TCTN3: variants seen among roughly 807,000 people sequenced by gnomAD.
The protein encoded by TCTN3 is tectonic-3.
Under a neutral mutation model 71.3 loss-of-function variants are expected in TCTN3, and 57 were observed. The ratio of observed to expected loss-of-function variants is 0.80; its 90% CI spans 0.65 to 1.00. The LOEUF (loss-of-function observed/expected upper bound fraction) is 1.00, where lower values mean the gene tolerates loss of function less well. TCTN3 is among the 50% of genes least tolerant of loss of function. TCTN3 has a pLI of 0.00. For missense variants in TCTN3, 696 were observed against 719.9 expected (o/e 0.97, Z 0.38); for synonymous variants, 258 against 267.8 (o/e 0.96, Z 0.36).
chr10:95,680,637 T>C lies in TCTN3; in HGVS notation c.1453-28A>G, dbSNP rs12784530. On this transcript the variant is annotated intron_variant, in intron 12 of 13. Coordinates refer to ENST00000371217, the MANE Select transcript of TCTN3 (RefSeq NM_015631.6). Reference sequence around the variant, plus strand: ...GCAGAAGGGTAAAGAAGCATCTGCTTGAATTGCCTGATGGTTGCCTATAGT... The same window carrying C: ...GCAGAAGGGTAAAGAAGCATCTGCTCGAATTGCCTGATGGTTGCCTATAGT... 0.23 allele frequency: 364,156 copies of C among 1,605,660 alleles called. 42,938 individuals carry two copies. The highest frequency in any genetic ancestry group is 0.24 in the Non-Finnish European group (283,689 of 1,176,100).
chr10:95,680,559 C>A lies in TCTN3; in HGVS notation c.1503G>T (p.Gln501His). The part of the protein sequence containing the change: ...CCLIPVSLEI[Q>H]VLWAYVGLLS... The stretch of plus-strand genomic sequence containing the variant: ...GGAGACCTACATATGCCCACAATAC[C>A]TGGATCTCCAGGGAAACTGGTATGA... Residue 501 changes from glutamine (Q) to histidine (H), a missense_variant, in exon 13 of 14, where the codon CAG (glutamine) becomes CAT (histidine). Transcript: ENST00000371217. 1 of 1,614,122 alleles carries A rather than the reference C, an allele frequency of 6.2e-7. No individual in the cohort carries two copies. The highest frequency in any genetic ancestry group is 8.5e-7 in the Non-Finnish European group (1 of 1,180,016).
At position 95,693,029 on chromosome 10, in the gene TCTN3, G is replaced by A. The variant is rs533262975; in HGVS notation, c.390C>T (p.Ser130=). 1 of 1,611,570 alleles carries A rather than the reference G, an allele frequency of 6.2e-7. No individual in the cohort carries two copies. The highest frequency in any genetic ancestry group is 1.3e-5 in the African/African-American group (1 of 74,936). Residue 130 remains serine (S), a synonymous_variant, in exon 3 of 14, where the codon AGC becomes AGT. Coordinates refer to ENST00000371217, the MANE Select transcript of TCTN3 (RefSeq NM_015631.6). ...FCLPGSVRSS[S]WVCVDNSVIF... ...TAACAGAGTTGTCTACACAAACCCAGCTTGAAGACCTGTGAGGAAAGAGGA... is the reference window on the plus strand; with the variant it reads ...TAACAGAGTTGTCTACACAAACCCAACTTGAAGACCTGTGAGGAAAGAGGA...
intron 3 of TCTN3, among the ~76,000 whole-genome samples, chr10:95,688,554 T>C (rs2097950830): frequency 6.6e-6 from 1 of 152,140 alleles, no homozygotes; most frequent in Non-Finnish European, 1.5e-5. Flanking sequence ...GATCTGTCCT[T>C]TCCAAATCTT....
intron 13 of TCTN3, among the ~76,000 whole-genome samples, chr10:95,677,483 G>GTTTTTTTT (rs1223582407): frequency 1.6e-5 from 1 of 61,984 alleles, no homozygotes; most frequent in Non-Finnish European, 3.5e-5. Flanking sequence ...AGTTTTTTTT[G>GTTTTTTTT]TTTTTTTTTT....
At chr10:95,676,766 CA>C (rs1245027560) in intron 13 of TCTN3, among the ~76,000 whole-genome samples, 2 of 151,948 alleles carry the variant, frequency 1.3e-5, no homozygotes, top group African/African-American at 4.8e-5. Flanking sequence ...AGCTTGGAAC[CA>C]AAAAAGTTAA....
At chr10:95,687,830 G>A in intron 3 of TCTN3, 111 bp from the exon 4 acceptor site, 1 of 1,275,572 alleles carries the variant, frequency 7.8e-7, no homozygotes, top group African/African-American at 1.5e-5. Flanking sequence ...CAAATCTTAA[G>A]TGTAAACTCA....
intron 13 of TCTN3, among the ~76,000 whole-genome samples, chr10:95,675,070 T>A (rs1284122317): frequency 1.3e-5 from 2 of 152,200 alleles, no homozygotes; most frequent in Non-Finnish European, 2.9e-5. Flanking sequence ...ATGTCATGTA[T>A]CAGGGAGAGA....
intron 9 of TCTN3, 50 bp from the exon 10 acceptor site, chr10:95,683,679 C>T: frequency 1.3e-6 from 2 of 1,518,598 alleles, no homozygotes; most frequent in South Asian, 1.2e-5. Flanking sequence ...CATACTTTCC[C>T]ACCTCCCACT....
chr10:95,691,345 G>A lies in TCTN3; in HGVS notation c.499+1575C>T, dbSNP rs113574745. Among the ~76,000 whole-genome samples, 1,508 of 152,042 alleles carry A rather than the reference G, an allele frequency of 9.9e-3. 12 individuals are homozygous for A. The highest frequency in any genetic ancestry group is 0.015 in the Non-Finnish European group (1,038 of 67,974). On this transcript the variant is annotated intron_variant, in intron 3 of 13. Transcript: ENST00000371217. ...TTTTTTGTTTTTTTAGTAGAGACAGGGTTTCACCATGTTGGTTAGGCTGGT... is the reference window on the plus strand; with the variant it reads ...TTTTTTGTTTTTTTAGTAGAGACAGAGTTTCACCATGTTGGTTAGGCTGGT...
chr10:95,688,388 C>CAAAAAA (rs1491223727), intron 3 of TCTN3, among the ~76,000 whole-genome samples: 2 of 43,786 alleles, frequency 4.6e-5, no homozygotes, highest in South Asian at 9.7e-4. Flanking sequence ...GAAACTCTGT[C>CAAAAAA]AAAAAAAAGA....
chr10:95,665,845 T>C (rs909428744), intron 13 of TCTN3, among the ~76,000 whole-genome samples: 1 of 152,120 alleles, frequency 6.6e-6, no homozygotes, highest in Admixed American at 6.5e-5. Flanking sequence ...CTCAAACACC[T>C]GGCCTCAAGT....
In TCTN3 at chr10:95,683,741, T is replaced by A. The variant is rs368961343; in HGVS notation, c.1096-112A>T. 2.9e-4 allele frequency: 237 copies of A among 806,194 alleles called. 1 individual carries two copies. The highest frequency in any genetic ancestry group is 3.6e-4 in the Non-Finnish European group (190 of 525,602). The allele number at this position is 806,194 out of a possible 1,614,324, so 49.9% of individuals were successfully genotyped here. On this transcript the variant is annotated intron_variant, in intron 9 of 13. Coordinates refer to ENST00000371217, the MANE Select transcript of TCTN3 (RefSeq NM_015631.6). ...AGGCAAGGAAATGCAATAAGTGAGC[T>A]ACACTGAACAATCTGGCTTCTTTCC...
Position 95,663,934 on chromosome 10 carries a change from A to T in TCTN3, c.*133T>A. On this transcript the variant is annotated 3_prime_UTR_variant, in exon 14 of 14. Coordinates refer to ENST00000371217, the MANE Select transcript of TCTN3 (RefSeq NM_015631.6). ...AAAATAACTCCTTTCATATACAAGG[A>T]TTCCTTCAGTTAGGTCCTCTATTAT... 1.4e-6 allele frequency: 1 copy of T among 699,750 alleles called. No individual in the cohort carries two copies. Among genetic ancestry groups the T allele is most frequent in the Non-Finnish European group, 2.5e-6 (1 of 400,464 alleles). The allele number at this position is 699,750 out of a possible 1,614,324, so 43.3% of individuals were successfully genotyped here. A position where few individuals can be genotyped will look rare whatever the true frequency, so the allele number is the denominator to read the frequency against.
At chr10:95,673,874 A>C (rs2097934101) in intron 13 of TCTN3, among the ~76,000 whole-genome samples, 1 of 152,132 alleles carries the variant, frequency 6.6e-6, no homozygotes, top group Non-Finnish European at 1.5e-5. Context: ...TACTTTTTAA[A>C]ATTTTTCCCA....
chr10:95,667,826 T>C (rs548786739), intron 13 of TCTN3, among the ~76,000 whole-genome samples: 1 of 152,294 alleles, frequency 6.6e-6, no homozygotes, highest in African/African-American at 2.4e-5. Context: ...TGCTCCACAG[T>C]GAAGGCCACA....
In TCTN3 at chr10:95,693,913, C is replaced by G. The variant is rs562527562; in HGVS notation, c.-14G>C. 1.3e-6 allele frequency: 2 copies of G among 1,551,440 alleles called. No individual in the cohort carries two copies. The highest frequency in any genetic ancestry group is 3.9e-5 in the Admixed American group (2 of 50,966). ...TGGGGTGCGCATGGGGCATTCAGGGCCTCCGGGTCCGACGTAGGCCTCCGC... is the reference window on the plus strand; with the variant it reads ...TGGGGTGCGCATGGGGCATTCAGGGGCTCCGGGTCCGACGTAGGCCTCCGC... On this transcript the variant is annotated 5_prime_UTR_variant, in exon 1 of 14. Transcript: ENST00000371217.
chr10:95,693,187 C>T, intron 2 of TCTN3, 149 bp from the exon 3 acceptor site: 1 of 1,281,600 alleles, frequency 7.8e-7, no homozygotes, highest in East Asian at 2.5e-5. Context: ...ACTGGCCAGC[C>T]CTGCTCTAGA....
chr10:95,680,400 T>C, intron 13 of TCTN3, 72 bp downstream of exon 13: 3 of 1,499,216 alleles, frequency 2.0e-6, no homozygotes, highest in Non-Finnish European at 2.7e-6. Flanking sequence ...AAAAATTATT[T>C]GGTTAACAAA....
At chr10:95,682,446 A>C (rs1320618288) in intron 12 of TCTN3, among the ~76,000 whole-genome samples, 1 of 151,764 alleles carries the variant, frequency 6.6e-6, no homozygotes, top group Non-Finnish European at 1.5e-5. Context: ...GTGAACCGAG[A>C]TCATGCCACC....
Sources: allele counts gnomAD v4.1 joint callset (sites outside exome capture counted in the v4.1 genomes callset), GRCh38; gene constraint gnomAD v4.1.1; transcripts MANE v1.5; gene names NCBI Gene and HGNC (gene_info 2026-07-23, HGNC 2026-07-21).